CSMD1: variants seen among roughly 807,000 people sequenced by gnomAD.
CSMD1 encodes CUB and Sushi multiple domains 1, also known as CUB and sushi domain-containing protein 1.
In CSMD1, 213 loss-of-function variants were observed where a neutral mutation model predicts 417.5. That is an observed-to-expected ratio of 0.51 (90% CI 0.46 to 0.57). The LOEUF is 0.57. Among genes scored for constraint, CSMD1 ranks in the 20% least tolerant of loss-of-function variants. The pLI is 0.00. For missense variants in CSMD1, 6,923 were observed against 4,529.7 expected, an observed-to-expected ratio of 1.53 and a Z score of -15.17; for synonymous variants, 2,862 against 1,736.8, an observed-to-expected ratio of 1.65 and a Z score of -16.11.
intron 18 of CSMD1, among the ~76,000 whole-genome samples, chr8:3,385,099 TATATAA>T (rs1444677433): frequency 9.6e-6 from 1 of 103,856 alleles, no homozygotes; most frequent in Admixed American, 1.3e-4. Flanking sequence ...ATAAAATATA[TATATAA>T]ATAAAAATAT....
At chr8:3,160,089 T>C (rs1819787698) in intron 38 of CSMD1, among the ~76,000 whole-genome samples, 1 of 152,186 alleles carries the variant, frequency 6.6e-6, no homozygotes, top group Admixed American at 6.5e-5. Context: ...GGTGTCCCTC[T>C]AAATGAGATC....
At chr8:3,273,142 A>G (rs1201678063) in intron 26 of CSMD1, among the ~76,000 whole-genome samples, 3 of 151,556 alleles carry the variant, frequency 2.0e-5, no homozygotes, top group East Asian at 3.9e-4. Flanking sequence ...TTAGTATGAA[A>G]GGTTGTTGAA....
Position 3,096,981 on chromosome 8 carries a change from C to G in CSMD1, c.7006G>C (p.Gly2336Arg), listed in dbSNP as rs866721621. The G allele has an allele frequency of 3.9e-6, 6 of 1,555,756 alleles. No homozygotes were observed. The highest frequency in any genetic ancestry group is 5.2e-6 in the Non-Finnish European group (6 of 1,148,832). The change falls in exon 47 of 70, where the codon GGG (glycine) becomes CGG (arginine). Residue 2336 changes from glycine (G) to arginine (R), a missense_variant. Coordinates refer to ENST00000635120, the MANE Select transcript of CSMD1 (RefSeq NM_033225.6). Reference sequence around the variant, plus strand: ...GAGTTAAAATAATTACCCGGATACCCTGGACTGAGAATGACTCCCGATGAT... The same window carrying G: ...GAGTTAAAATAATTACCCGGATACCGTGGACTGAGAATGACTCCCGATGAT... ...TGSSGVILSP[G>R]YPGNYFNSQT... is the part of the protein sequence containing the mutation.
intron 3 of CSMD1, among the ~76,000 whole-genome samples, chr8:4,246,278 G>C (rs1347764362): frequency 6.6e-6 from 1 of 152,008 alleles, no homozygotes; most frequent in African/African-American, 2.4e-5. Context: ...GTGCTATTTG[G>C]TTTTCTGTTC....
intron 3 of CSMD1, among the ~76,000 whole-genome samples, chr8:4,102,620 C>T (rs141253076): frequency 2.6e-4 from 40 of 152,270 alleles, no homozygotes; most frequent in African/African-American, 8.9e-4. Context: ...TCAAATGCCT[C>T]CTGTTCTTGG....
intron 5 of CSMD1, among the ~76,000 whole-genome samples, chr8:3,844,904 TC>T (rs879512676): frequency 0.057 from 8,704 of 152,176 alleles, 5 homozygotes; most frequent in African/African-American, 0.18. Flanking sequence ...TCAATATTTG[TC>T]TGTGCATTTA....
rs191415452 is a variant in CSMD1, at chr8:4,866,862, T to C, written c.85+127470A>G. The stretch of plus-strand genomic sequence containing the variant: ...AAAAATTATAACTTTACCATTAATA[T>C]AAAACTTTTACATTTTGTGACCTCC... On this transcript the variant is annotated intron_variant, in intron 1 of 69. Coordinates refer to ENST00000635120, the MANE Select transcript of CSMD1 (RefSeq NM_033225.6). 6.5e-4 allele frequency among the ~76,000 whole-genome samples: 99 copies of C among 152,118 alleles called. No homozygotes were observed. The Middle Eastern group carries it at 0.02, about 31-fold the overall frequency.
chr8:4,841,942 C>G lies in CSMD1; in HGVS notation c.85+152390G>C, dbSNP rs182562918. 1.6e-3 allele frequency among the ~76,000 whole-genome samples: 133 copies of G among 83,758 alleles called. 3 individuals are homozygous for G. The highest frequency in any genetic ancestry group is 6.3e-3 in the African/African-American group (131 of 20,732). 54.9% of individuals were successfully genotyped at this position (83,758 alleles called of 152,430 possible). ...AAAAAAAAAAAAAAAAAAAAAAGTT[C>G]AGAACAATGGATATAACTGTCCTGA... On this transcript the variant is annotated intron_variant, in intron 1 of 69. Transcript: ENST00000635120.
At chr8:4,645,335 G>A (rs59438361) in intron 1 of CSMD1, among the ~76,000 whole-genome samples, 2,482 of 144,706 alleles carry the variant, frequency 0.017, 71 homozygotes, top group African/African-American at 0.059. Flanking sequence ...CTCCAGCAAT[G>A]TAATGTTTTC....
chr8:4,512,378 C>G (rs545226201), intron 2 of CSMD1, among the ~76,000 whole-genome samples: 2 of 152,260 alleles, frequency 1.3e-5, no homozygotes, highest in South Asian at 2.1e-4. Context: ...GAGCAGGAAA[C>G]AAGGCACAAA....
intron 37 of CSMD1, among the ~76,000 whole-genome samples, chr8:3,165,445 T>A (rs925556398): frequency 6.6e-6 from 1 of 151,934 alleles, no homozygotes; most frequent in East Asian, 1.9e-4. Context: ...TTTTTATTTA[T>A]TTTTGAGACA....
intron 12 of CSMD1, among the ~76,000 whole-genome samples, chr8:3,463,126 T>C (rs2117162528): frequency 6.6e-6 from 1 of 152,284 alleles, no homozygotes; most frequent in Non-Finnish European, 1.5e-5. Flanking sequence ...CCAAGCCAAC[T>C]CTATCTCCAT....
chr8:4,419,176 G>A (rs552694861), intron 3 of CSMD1, among the ~76,000 whole-genome samples: 4 of 152,092 alleles, frequency 2.6e-5, no homozygotes, highest in Non-Finnish European at 4.4e-5. Flanking sequence ...CACCCCTAAC[G>A]ATAGATTGCT....
chr8:3,388,084 A>C (rs1167740609), intron 17 of CSMD1, among the ~76,000 whole-genome samples: 1 of 152,194 alleles, frequency 6.6e-6, no homozygotes, highest in East Asian at 1.9e-4. Flanking sequence ...TTCTATATTT[A>C]TATATTCCAG....
intron 7 of CSMD1, among the ~76,000 whole-genome samples, chr8:3,622,840 A>G (rs1563207717): frequency 6.6e-6 from 1 of 152,216 alleles, no homozygotes; most frequent in Non-Finnish European, 1.5e-5. Flanking sequence ...AAAAGCTCCA[A>G]GGTTGGAAAG....
intron 12 of CSMD1, among the ~76,000 whole-genome samples, chr8:3,464,205 C>T (rs1276858272): frequency 2.6e-5 from 4 of 152,088 alleles, no homozygotes; most frequent in South Asian, 2.1e-4. Context: ...GAACTCGAAC[C>T]GAATTTTTTT....
chr8:4,762,919 G>A (rs1812211516), intron 1 of CSMD1, among the ~76,000 whole-genome samples: 1 of 152,110 alleles, frequency 6.6e-6, no homozygotes, highest in Non-Finnish European at 1.5e-5. Flanking sequence ...TTGTAGGTAG[G>A]GTTATAATTT....
intron 1 of CSMD1, among the ~76,000 whole-genome samples, chr8:4,793,186 A>G (rs2117243355): frequency 6.6e-6 from 1 of 152,282 alleles, no homozygotes; most frequent in South Asian, 2.1e-4. Context: ...TGGAGTAATT[A>G]TGAGTAAATA....
At chr8:3,563,076 T>A (rs1273592292) in intron 10 of CSMD1, among the ~76,000 whole-genome samples, 1 of 152,130 alleles carries the variant, frequency 6.6e-6, no homozygotes, top group Non-Finnish European at 1.5e-5. Context: ...GTGGGAGGAA[T>A]TATACAGGGT....
Sources: allele counts gnomAD v4.1 joint callset (sites outside exome capture counted in the v4.1 genomes callset), GRCh38; gene constraint gnomAD v4.1.1; transcripts MANE v1.5; gene names NCBI Gene and HGNC (gene_info 2026-07-23, HGNC 2026-07-21).